The following TENM3 variants were observed in gnomAD, a reference collection of about 807,000 sequenced individuals.
TENM3 encodes the protein teneurin-3.
TENM3 carries 63 observed loss-of-function variants against 255.1 expected under a neutral mutation model. That is an observed-to-expected ratio of 0.25 (90% confidence interval 0.20 to 0.30). TENM3 has a LOEUF of 0.30. Ranked by LOEUF, TENM3 falls within the 10% of genes least tolerant of loss-of-function variation. The probability of loss-of-function intolerance (pLI) is 1.00; values close to 1 mark genes in which losing one functional copy is unlikely to be tolerated. For synonymous variants in TENM3, 1,306 were observed against 1,322.3 expected (o/e 0.99, Z 0.27); for missense variants, 2,929 against 3,461.1 (o/e 0.85, Z 3.86).
At chr4:182,066,678 A>C in the TENM3 span, among the ~76,000 whole-genome samples, 1 of 151,460 alleles carries the variant, frequency 6.6e-6, no homozygotes, top group Non-Finnish European at 1.5e-5. Context: ...TCGGAGGCCA[A>C]GGCGGGCGGA....
chr4:182,490,558 G>GA (rs1292807422), intron 3 of TENM3, among the ~76,000 whole-genome samples: 2 of 152,096 alleles, frequency 1.3e-5, no homozygotes, highest in African/African-American at 2.4e-5. Context: ...GATTCCAGGG[G>GA]AAAAAATGGT....
chr4:181,690,231 C>T, the TENM3 span, among the ~76,000 whole-genome samples: 81 of 89,562 alleles, frequency 9.0e-4, no homozygotes, highest in African/African-American at 2.1e-3. Context: ...GGCACATGCG[C>T]GTGAGCGTGC....
chr4:181,967,814 C>G, the TENM3 span, among the ~76,000 whole-genome samples: 4 of 152,110 alleles, frequency 2.6e-5, no homozygotes, highest in African/African-American at 9.7e-5. Flanking sequence ...ACGTGGCTGG[C>G]GTTGTTCAGT....
chr4:182,049,497 G>A, the TENM3 span, among the ~76,000 whole-genome samples: 1 of 152,142 alleles, frequency 6.6e-6, no homozygotes, highest in African/African-American at 2.4e-5. Context: ...TTGCCTCCTG[G>A]GTCCTCTACC....
At chr4:182,329,221 G>A (rs79325143) in intron 2 of TENM3, among the ~76,000 whole-genome samples, 28,844 of 152,148 alleles carry the variant, frequency 0.19, 2,948 homozygotes, top group Non-Finnish European at 0.23. Flanking sequence ...AGTGTTTTCC[G>A]CTTTGTGCCA....
At chr4:181,586,827 G>A in the TENM3 span, among the ~76,000 whole-genome samples, 1 of 151,894 alleles carries the variant, frequency 6.6e-6, no homozygotes, top group Admixed American at 6.6e-5. Flanking sequence ...GCAACAGATT[G>A]AGACTCTGTC....
At chr4:182,066,158 T>G in the TENM3 span, among the ~76,000 whole-genome samples, 1 of 152,320 alleles carries the variant, frequency 6.6e-6, no homozygotes, top group South Asian at 2.1e-4. Context: ...ACCAACACTT[T>G]TTCCCCATTT....
At chr4:182,720,766 CTT>C (rs11369655) in intron 13 of TENM3, among the ~76,000 whole-genome samples, 44 of 129,772 alleles carry the variant, frequency 3.4e-4, no homozygotes, top group Admixed American at 4.1e-4. Context: ...AGTCTCCCCT[CTT>C]TTTTTTTTTT....
the TENM3 span, among the ~76,000 whole-genome samples, chr4:181,920,112 T>C: frequency 1.3e-5 from 2 of 152,068 alleles, no homozygotes; most frequent in African/African-American, 4.8e-5. Flanking sequence ...ATGTGCCACA[T>C]TTTCTTAATC....
the TENM3 span, among the ~76,000 whole-genome samples, chr4:181,598,798 C>T: frequency 6.6e-6 from 1 of 151,770 alleles, no homozygotes; most frequent in African/African-American, 2.4e-5. Flanking sequence ...TAATCATTTG[C>T]TTATTAATTC....
chr4:181,642,315 G>T, the TENM3 span, among the ~76,000 whole-genome samples: 13 of 152,054 alleles, frequency 8.5e-5, no homozygotes, highest in African/African-American at 2.9e-4. Flanking sequence ...TTTTGATGGG[G>T]TGGTTAGTTT....
chr4:181,721,833 A>G, the TENM3 span, among the ~76,000 whole-genome samples: 2 of 151,810 alleles, frequency 1.3e-5, no homozygotes, highest in Non-Finnish European at 1.5e-5. Flanking sequence ...GGCTTAGACT[A>G]TGGGGTAGAT....
At chr4:182,245,762 T>C (rs753088134) in intron 1 of TENM3, among the ~76,000 whole-genome samples, 34 of 152,212 alleles carry the variant, frequency 2.2e-4, no homozygotes, top group Non-Finnish European at 4.1e-4. Flanking sequence ...AAGAGGCTAC[T>C]GTTGTGTCAA....
At chr4:181,812,722 G>A in the TENM3 span, among the ~76,000 whole-genome samples, 1 of 152,158 alleles carries the variant, frequency 6.6e-6, no homozygotes, top group Non-Finnish European at 1.5e-5. Flanking sequence ...ATGAGAGGTT[G>A]GATACCACCC....
At chr4:181,870,622 T>C in the TENM3 span, among the ~76,000 whole-genome samples, 1 of 152,152 alleles carries the variant, frequency 6.6e-6, no homozygotes, top group Non-Finnish European at 1.5e-5. Flanking sequence ...CCATTAGATA[T>C]GCTTGTCTGA....
chr4:181,948,319 G>A, the TENM3 span, among the ~76,000 whole-genome samples: 32 of 152,190 alleles, frequency 2.1e-4, 1 homozygote, highest in Admixed American at 2.0e-3. Context: ...GATATAAAAC[G>A]AATTTAATTT....
At chr4:182,520,371 C>T (rs962976114) in intron 3 of TENM3, among the ~76,000 whole-genome samples, 10 of 152,162 alleles carry the variant, frequency 6.6e-5, no homozygotes, top group Non-Finnish European at 1.2e-4. Flanking sequence ...TTCATTTCCA[C>T]CAGAGGCAAA....
At chr4:181,804,889 G>A in the TENM3 span, among the ~76,000 whole-genome samples, 6 of 152,148 alleles carry the variant, frequency 3.9e-5, no homozygotes, top group Admixed American at 3.9e-4. Context: ...TATATCCGGG[G>A]CAGCCTGTGA....
chr4:182,218,962 C>T (rs958698989), intron 1 of TENM3, among the ~76,000 whole-genome samples: 2 of 152,336 alleles, frequency 1.3e-5, no homozygotes, highest in South Asian at 2.1e-4. Flanking sequence ...CAGAGGTTCA[C>T]GCCTGTAATC....
Sources: gnomAD v4.1 joint callset for allele counts (sites outside exome capture counted in the v4.1 genomes callset) on GRCh38, gnomAD v4.1.1 for gene constraint, MANE v1.5 for transcripts, NCBI Gene and HGNC (gene_info 2026-07-23, HGNC 2026-07-21) for gene names.